The following EML5 variants were observed in gnomAD, a reference collection of about 807,000 sequenced individuals.
EML5 encodes the protein echinoderm microtubule-associated protein-like 5.
A neutral mutation model predicts 250.0 loss-of-function variants in EML5; 120 were observed. The ratio of observed to expected loss-of-function variants is 0.48; its 90% CI spans 0.41 to 0.56. EML5 has a LOEUF of 0.56. Among genes scored for constraint, EML5 ranks in the 20% least tolerant of loss-of-function variants. The probability of loss-of-function intolerance (pLI) is 0.00; values close to 1 mark genes in which losing one functional copy is unlikely to be tolerated. For missense variants in EML5, 2,006 were observed against 2,437.6 expected, an observed-to-expected ratio of 0.82 and a Z score of 3.73; for synonymous variants, 771 against 806.5, an observed-to-expected ratio of 0.96 and a Z score of 0.75.
intron 8 of EML5, 81 bp downstream of exon 8, chr14:88,726,460 C>A (rs2093668289): frequency 8.2e-7 from 1 of 1,218,310 alleles, no homozygotes. Flanking sequence ...ATTATATATT[C>A]TGTATCGCTG....
Position 88,642,951 on chromosome 14 carries a change from A to T in EML5, c.4179T>A (p.Asp1393Glu), listed in dbSNP as rs1190090355. The change falls in exon 31 of 44, where the codon GAT becomes GAA. Residue 1393 changes from aspartate (D) to glutamate (E), a missense_variant. This residue lies in a region of EML5 where 1,375 missense variants were observed against 1,590.3 expected (regional missense o/e 0.86). Transcript: ENST00000554922. ...CAGTGTGATAAATTATATCATCACC[A>T]TCATTTAAATAGTGAACATTATTCC... ...DCRNNVHYLN[D>E]GDDIIYHTAS... 3 of 1,606,328 alleles carry T rather than the reference A, an allele frequency of 1.9e-6. No homozygotes were observed. Among genetic ancestry groups the T allele is most frequent in the Non-Finnish European group, 2.5e-6 (3 of 1,177,740 alleles).
intron 9 of EML5, among the ~76,000 whole-genome samples, chr14:88,714,098 A>T (rs890474426): frequency 6.6e-6 from 1 of 152,110 alleles, no homozygotes; most frequent in Admixed American, 6.6e-5. Flanking sequence ...GTGGCCTCCC[A>T]AAGTGCTGGG....
chr14:88,616,939 C>T (rs996857089), intron 41 of EML5, 60 bp from the exon 42 acceptor site: 10 of 1,535,562 alleles, frequency 6.5e-6, no homozygotes, highest in Middle Eastern at 1.7e-4. Context: ...TGACTATATT[C>T]AAAAAGTTTC....
rs534601866 is a variant in EML5, at chr14:88,613,700, G to C, written c.*2118C>G. 6.6e-6 allele frequency: 1 copy of C among 152,224 alleles called. No homozygotes were observed. The highest frequency in any genetic ancestry group is 2.1e-4 in the South Asian group (1 of 4,818). 9.4% of individuals were successfully genotyped at this position (152,224 alleles called of 1,614,324 possible). On this transcript the variant is annotated 3_prime_UTR_variant, in exon 44 of 44. Coordinates refer to ENST00000554922, the MANE Select transcript of EML5 (RefSeq NM_183387.3). ...GAGCATGGTTGGCGATTGGAAGCAA[G>C]GGTACCAGAGGGCACAGTGTGCTTT...
chr14:88,678,611 A>T (rs971382492), intron 21 of EML5, among the ~76,000 whole-genome samples: 3 of 152,030 alleles, frequency 2.0e-5, no homozygotes, highest in African/African-American at 4.8e-5. Context: ...GTTCCAAAAT[A>T]CTCATAGTGA....
chr14:88,771,243 C>T (rs2094390158), intron 1 of EML5, among the ~76,000 whole-genome samples: 1 of 152,226 alleles, frequency 6.6e-6, no homozygotes, highest in Admixed American at 6.5e-5. Context: ...CAGTTCCCCC[C>T]TATCAACCTC....
intron 9 of EML5, among the ~76,000 whole-genome samples, chr14:88,713,414 T>G (rs1389121075): frequency 1.3e-5 from 2 of 151,592 alleles, no homozygotes; most frequent in African/African-American, 4.9e-5. Context: ...TACTAATAGG[T>G]AATATTTTGA....
intron 1 of EML5, among the ~76,000 whole-genome samples, chr14:88,778,303 ATTTG>A (rs1347631290): frequency 6.6e-6 from 1 of 152,200 alleles, no homozygotes; most frequent in Non-Finnish European, 1.5e-5. Flanking sequence ...AACAATAAAG[ATTTG>A]TTTAATATTG....
chr14:88,732,020 G>C (rs2093767047), intron 7 of EML5, among the ~76,000 whole-genome samples: 1 of 152,118 alleles, frequency 6.6e-6, no homozygotes, highest in South Asian at 2.1e-4. Flanking sequence ...TAGGTTGCCT[G>C]TTCACTCTGA....
chr14:88,643,725 G>C (rs1245635456), intron 30 of EML5, among the ~76,000 whole-genome samples: 1 of 152,176 alleles, frequency 6.6e-6, no homozygotes, highest in Non-Finnish European at 1.5e-5. Context: ...AACTCAAACA[G>C]TACATTCATC....
intron 21 of EML5, among the ~76,000 whole-genome samples, chr14:88,675,154 C>T (rs2092564924): frequency 6.6e-6 from 1 of 152,210 alleles, no homozygotes; most frequent in Admixed American, 6.5e-5. Flanking sequence ...AGGATGGTTG[C>T]CCTCTTCTCA....
chr14:88,766,418 G>T (rs963915463), intron 1 of EML5, among the ~76,000 whole-genome samples: 1 of 152,118 alleles, frequency 6.6e-6, no homozygotes, highest in Non-Finnish European at 1.5e-5. Flanking sequence ...GGCCGCTTTG[G>T]GAATGTCTGT....
chr14:88,743,862 T>C (rs933893567), intron 4 of EML5, among the ~76,000 whole-genome samples, 161 bp downstream of exon 4: 3 of 152,020 alleles, frequency 2.0e-5, no homozygotes, highest in Non-Finnish European at 2.9e-5. Context: ...GCAAATAATA[T>C]ATATATTTGT....
At chr14:88,757,889 C>T (rs1180181765) in intron 1 of EML5, among the ~76,000 whole-genome samples, 1 of 151,834 alleles carries the variant, frequency 6.6e-6, no homozygotes, top group Non-Finnish European at 1.5e-5. Flanking sequence ...CTCACTCTGT[C>T]ACCCAGGCTG....
chr14:88,653,666 A>C (rs1164678692), intron 27 of EML5, among the ~76,000 whole-genome samples: 1 of 152,170 alleles, frequency 6.6e-6, no homozygotes, highest in Non-Finnish European at 1.5e-5. Context: ...GTGGTGGATA[A>C]GCTTTTTGAT....
chr14:88,677,106 T>C (rs1048300612), intron 21 of EML5, among the ~76,000 whole-genome samples: 2 of 152,078 alleles, frequency 1.3e-5, no homozygotes, highest in Non-Finnish European at 2.9e-5. Context: ...GGTCTCACCA[T>C]ATTGGCCAGA....
chr14:88,692,341 C>G (rs1311431713), intron 17 of EML5, among the ~76,000 whole-genome samples: 1 of 152,160 alleles, frequency 6.6e-6, no homozygotes, highest in African/African-American at 2.4e-5. Flanking sequence ...CACAACATTG[C>G]ACTCCAGCCT....
chr14:88,649,959 A>G, intron 27 of EML5, 33 bp from the exon 28 acceptor site: 1 of 1,444,568 alleles, frequency 6.9e-7, no homozygotes, highest in Non-Finnish European at 9.2e-7. Flanking sequence ...AAAAGTAGGA[A>G]AACATATAAA....
chr14:88,691,861 T>C (rs1458745811), intron 17 of EML5, among the ~76,000 whole-genome samples: 1 of 152,246 alleles, frequency 6.6e-6, no homozygotes, highest in Admixed American at 6.5e-5. Context: ...CATCCTTTTA[T>C]GCTTCACTTT....
Sources: allele counts gnomAD v4.1 joint callset (sites outside exome capture counted in the v4.1 genomes callset), GRCh38; gene constraint gnomAD v4.1.1; regional missense constraint gnomAD v4.1.1; transcripts MANE v1.5; gene names NCBI Gene and HGNC (gene_info 2026-07-23, HGNC 2026-07-21).